Variants in TTC39C observed in about 807,000 individuals in gnomAD.
TTC39C encodes the protein tetratricopeptide repeat domain 39C, also known as tetratricopeptide repeat protein 39C.
In TTC39C, 33 loss-of-function variants were observed where a neutral mutation model predicts 76.3. The ratio of observed to expected loss-of-function variants is 0.43; its 90% CI spans 0.33 to 0.58. The LOEUF is 0.58. TTC39C is among the 20% of genes least tolerant of loss of function. The pLI is 0.04. For synonymous variants in TTC39C, 254 were observed against 260.6 expected (o/e 0.97, Z 0.24); for missense variants, 595 against 701.4 (o/e 0.85, Z 1.71).
chr18:24,057,015 A>G (rs771502048), intron 1 of TTC39C, among the ~76,000 whole-genome samples: 1 of 152,104 alleles, frequency 6.6e-6, no homozygotes, highest in Non-Finnish European at 1.5e-5. Flanking sequence ...GGAAAATTTT[A>G]TACATCTTGA....
intron 6 of TTC39C, chr18:24,114,063 G>A (rs1245121498): frequency 1.4e-5 from 4 of 281,236 alleles, no homozygotes; most frequent in Non-Finnish European, 2.7e-5. Flanking sequence ...ACTCAGTAGC[G>A]ATTGAGAGAC....
rs994869765 is a variant in TTC39C, at chr18:24,047,070, A to G, written c.168-17070A>G. 4.6e-5 allele frequency among the ~76,000 whole-genome samples: 7 copies of G among 151,790 alleles called. 1 individual carries two copies. The highest frequency in any genetic ancestry group is 1.7e-4 in the African/African-American group (7 of 41,076). ...ACAGTTTGCAGTTTCTTAAGAAGAT[A>G]TACATTTACATTGATATATATTTCT... On this transcript the variant is annotated intron_variant, in intron 1 of 13. Coordinates refer to ENST00000317571, the MANE Select transcript of TTC39C (RefSeq NM_001135993.2).
At chr18:24,042,403 C>T (rs113949816) in intron 1 of TTC39C, among the ~76,000 whole-genome samples, 4,572 of 152,188 alleles carry the variant, frequency 0.03, 221 homozygotes, top group African/African-American at 0.1. Context: ...CTAGACCCCC[C>T]ACGTGCACAG....
intron 1 of TTC39C, among the ~76,000 whole-genome samples, chr18:24,036,927 C>T (rs866681378): frequency 6.6e-6 from 1 of 152,190 alleles, no homozygotes; most frequent in Non-Finnish European, 1.5e-5. Flanking sequence ...GCCACCGTGC[C>T]TGGCCATTTT....
chr18:24,065,483 C>G (rs988999435), intron 2 of TTC39C, among the ~76,000 whole-genome samples: 4 of 152,180 alleles, frequency 2.6e-5, no homozygotes. Context: ...TGCCTGGAAA[C>G]AAGCTGTCAT....
At chr18:24,007,475 C>T (rs28625835) in intron 1 of TTC39C, among the ~76,000 whole-genome samples, 36,374 of 152,004 alleles carry the variant, frequency 0.24, 5,294 homozygotes, top group East Asian at 0.55. Flanking sequence ...CTTCTGCCTC[C>T]TGGGTTCAAG....
intron 1 of TTC39C, among the ~76,000 whole-genome samples, chr18:24,021,980 C>G (rs921354753): frequency 6.6e-6 from 1 of 152,232 alleles, no homozygotes; most frequent in Admixed American, 6.5e-5. Flanking sequence ...CTACCTCAAA[C>G]AGAGTCACTT....
intron 1 of TTC39C, among the ~76,000 whole-genome samples, chr18:24,023,117 A>G (rs1453372239): frequency 7.2e-5 from 11 of 152,156 alleles, no homozygotes; most frequent in Non-Finnish European, 1.6e-4. Flanking sequence ...CTTTATTTGC[A>G]GTCAGCAAGT....
chr18:24,065,207 A>G (rs1008154458), intron 2 of TTC39C, among the ~76,000 whole-genome samples: 2 of 152,182 alleles, frequency 1.3e-5, no homozygotes, highest in Non-Finnish European at 2.9e-5. Context: ...TAGAATGGAA[A>G]AGTAGGTTAG....
At chr18:24,071,111 G>A (rs1212053378) in intron 4 of TTC39C, among the ~76,000 whole-genome samples, 7 of 152,046 alleles carry the variant, frequency 4.6e-5, no homozygotes, top group Admixed American at 4.6e-4. Flanking sequence ...TGTACTTTTA[G>A]TAGAGGCGGG....
intron 6 of TTC39C, among the ~76,000 whole-genome samples, chr18:24,092,589 G>A (rs538207295): frequency 1.3e-5 from 2 of 152,276 alleles, no homozygotes; most frequent in African/African-American, 4.8e-5. Flanking sequence ...ATAGCATGGA[G>A]GAACCTTGAA....
chr18:24,050,614 G>A (rs2083935570), intron 1 of TTC39C, among the ~76,000 whole-genome samples: 1 of 149,296 alleles, frequency 6.7e-6, no homozygotes, highest in Non-Finnish European at 1.5e-5. Flanking sequence ...GCTCATGCCT[G>A]TAATCCCAGC....
Position 24,064,131 on chromosome 18 carries a change from T to C in TTC39C, c.168-9T>C. ...GTATTTTGTGTGTGTGTGTGTGTTT[T>C]TTTAACAGAAATCATAGCCCACTAA... On this transcript the variant is annotated splice_polypyrimidine_tract_variant and intron_variant, in intron 1 of 13. Transcript: ENST00000317571. 1 of 1,613,308 alleles carries C rather than the reference T, an allele frequency of 6.2e-7. No homozygotes were observed. Among genetic ancestry groups the C allele is most frequent in the South Asian group, 1.1e-5 (1 of 90,784 alleles).
chr18:24,035,642 TG>T, intron 1 of TTC39C, among the ~76,000 whole-genome samples: 1 of 152,360 alleles, frequency 6.6e-6, no homozygotes, highest in South Asian at 2.1e-4. Flanking sequence ...TTTGTGTTGT[TG>T]AGTTTTAAGA....
In TTC39C at chr18:24,132,685, G is replaced by C. The variant is rs930797266; in HGVS notation, c.*111G>C. ...GGCTTTTCTTCTGAAAACCACCTGT[G>C]CCAGGGACACATTTTCCCAGTTAAG... is the stretch of plus-strand genomic sequence containing the variant. On this transcript the variant is annotated 3_prime_UTR_variant, in exon 14 of 14. Coordinates refer to ENST00000317571, the MANE Select transcript of TTC39C (RefSeq NM_001135993.2). 3 of 774,202 alleles carry C rather than the reference G, an allele frequency of 3.9e-6. No individual in the cohort carries two copies. The highest frequency in any genetic ancestry group is 6.1e-6 in the Non-Finnish European group (3 of 493,192). 48.0% of individuals were successfully genotyped at this position (774,202 alleles called of 1,614,324 possible).
At chr18:24,100,512 A>T (rs1415528102) in intron 6 of TTC39C, among the ~76,000 whole-genome samples, 3 of 152,234 alleles carry the variant, frequency 2.0e-5, no homozygotes, top group Admixed American at 6.5e-5. Flanking sequence ...CGTGTGCAGC[A>T]CAAGGCTTGG....
At position 24,135,268 on chromosome 18, in the gene TTC39C, T is replaced by C. The variant is rs572267192; in HGVS notation, c.*2694T>C. On this transcript the variant is annotated 3_prime_UTR_variant, in exon 14 of 14. Coordinates refer to ENST00000317571, the MANE Select transcript of TTC39C (RefSeq NM_001135993.2). ...CACCCACCTTGTCCTCTCAAAATGC[T>C]TACAGGCATGAACCACTGTGACCGG... 2.0e-5 allele frequency: 3 copies of C among 152,222 alleles called. No homozygotes were observed. Among genetic ancestry groups the C allele is most frequent in the African/African-American group, 7.2e-5 (3 of 41,436 alleles). The allele number at this position is 152,222 out of a possible 1,614,324, so 9.4% of individuals were successfully genotyped here. A position where few individuals can be genotyped will look rare whatever the true frequency, so the allele number is the denominator to read the frequency against.
chr18:24,034,310 G>T (rs917498637), intron 1 of TTC39C, among the ~76,000 whole-genome samples: 1 of 152,178 alleles, frequency 6.6e-6, no homozygotes. Flanking sequence ...AAGAGGGCAC[G>T]CCCTGCTCAA....
upstream of TTC39C, among the ~76,000 whole-genome samples, chr18:24,012,209 G>T (rs547600088): frequency 6.6e-6 from 1 of 152,132 alleles, no homozygotes; most frequent in African/African-American, 2.4e-5. Flanking sequence ...ATTTTAAAAT[G>T]TCCCTTCATG....
Sources: gnomAD v4.1 joint callset for allele counts (sites outside exome capture counted in the v4.1 genomes callset) on GRCh38, gnomAD v4.1.1 for gene constraint, MANE v1.5 for transcripts, NCBI Gene and HGNC (gene_info 2026-07-23, HGNC 2026-07-21) for gene names.